Variants in GRM8 observed in about 807,000 individuals in gnomAD.
GRM8 encodes glutamate metabotropic receptor 8.
A neutral mutation model predicts 87.2 loss-of-function variants in GRM8; 47 were observed. That is an observed-to-expected ratio of 0.54 (90% CI 0.43 to 0.69). The LOEUF is 0.69. Ranked by LOEUF, GRM8 falls within the 30% of genes least tolerant of loss-of-function variation. The pLI is 0.00. For missense variants in GRM8, 1,019 were observed against 1,139.2 expected (o/e 0.89, Z 1.52); for synonymous variants, 396 against 404.5 (o/e 0.98, Z 0.25).
At chr7:127,046,743 ATT>A (rs1399364397) in intron 3 of GRM8, among the ~76,000 whole-genome samples, 1 of 152,162 alleles carries the variant, frequency 6.6e-6, no homozygotes, top group Non-Finnish European at 1.5e-5. Flanking sequence ...GTATGAACAA[ATT>A]TACTTTCTTC....
intron 3 of GRM8, among the ~76,000 whole-genome samples, chr7:127,060,586 T>C (rs549030432): frequency 6.6e-6 from 1 of 152,278 alleles, no homozygotes; most frequent in East Asian, 1.9e-4. Context: ...GAATATCTGC[T>C]GAAAATAGGA....
In GRM8 at chr7:126,684,776, C is replaced by T. The variant is rs567534198; in HGVS notation, c.1358-75278G>A. Among the ~76,000 whole-genome samples, 3 of 152,332 alleles carry T rather than the reference C, an allele frequency of 2.0e-5. No individual in the cohort carries two copies. In the East Asian group the frequency reaches 5.8e-4, roughly 29 times the overall value. ...CTAGTTTAGGAGATGGGAGCCCGTA[C>T]ATCTTGTGTTCTGTGTATTTTGTTT... is the stretch of plus-strand genomic sequence containing the variant. On this transcript the variant is annotated intron_variant, in intron 7 of 10. Coordinates refer to ENST00000339582, the MANE Select transcript of GRM8 (RefSeq NM_000845.3).
At chr7:126,721,507 T>C (rs1273372336) in intron 7 of GRM8, among the ~76,000 whole-genome samples, 1 of 152,192 alleles carries the variant, frequency 6.6e-6, no homozygotes, top group Non-Finnish European at 1.5e-5. Context: ...ACAACACTTA[T>C]TGTGAAATTT....
chr7:126,838,735 C>T (rs1230066023), intron 6 of GRM8, among the ~76,000 whole-genome samples: 1 of 152,140 alleles, frequency 6.6e-6, no homozygotes, highest in Non-Finnish European at 1.5e-5. Flanking sequence ...ATACATTGTT[C>T]TCTCCTGAAT....
intron 2 of GRM8, among the ~76,000 whole-genome samples, chr7:127,158,056 G>A (rs1792852327): frequency 6.6e-6 from 1 of 152,086 alleles, no homozygotes; most frequent in African/African-American, 2.4e-5. Flanking sequence ...ATCAAAGATG[G>A]GTGGAGGCTG....
At chr7:127,076,038 T>C in intron 3 of GRM8, 1 of 393,780 alleles carries the variant, frequency 2.5e-6, no homozygotes, top group Non-Finnish European at 5.0e-6. Flanking sequence ...AAAGATGGTT[T>C]GATATGCTTA....
intron 9 of GRM8, among the ~76,000 whole-genome samples, chr7:126,507,185 T>C (rs1466328895): frequency 3.9e-5 from 6 of 152,032 alleles, no homozygotes; most frequent in Non-Finnish European, 8.8e-5. Context: ...TCCTCCTACT[T>C]TTACTTTCCG....
At chr7:126,905,617 C>T (rs1802598628) in intron 3 of GRM8, among the ~76,000 whole-genome samples, 1 of 152,170 alleles carries the variant, frequency 6.6e-6, no homozygotes, top group Admixed American at 6.5e-5. Flanking sequence ...ATTGCCAATG[C>T]ACTCAGTCAT....
chr7:126,513,125 TAA>T (rs1384659574), intron 9 of GRM8, among the ~76,000 whole-genome samples: 1 of 152,098 alleles, frequency 6.6e-6, no homozygotes, highest in African/African-American at 2.4e-5. Context: ...CTTTTAAAAA[TAA>T]GTCTTTAAAA....
intron 2 of GRM8, among the ~76,000 whole-genome samples, chr7:127,144,485 C>T (rs1247289399): frequency 6.6e-6 from 1 of 152,060 alleles, no homozygotes; most frequent in Non-Finnish European, 1.5e-5. Context: ...CTTTTCAAAA[C>T]ACAATCAGCA....
At chr7:126,465,820 G>T (rs576066685) in intron 9 of GRM8, among the ~76,000 whole-genome samples, 30 of 151,636 alleles carry the variant, frequency 2.0e-4, no homozygotes, top group African/African-American at 6.0e-4. Context: ...CACTAGATAG[G>T]AATATCAGTA....
At chr7:127,193,616 T>C (rs546439685) in intron 2 of GRM8, among the ~76,000 whole-genome samples, 2 of 152,346 alleles carry the variant, frequency 1.3e-5, no homozygotes, top group Admixed American at 6.5e-5. Context: ...AGTGAGGTAG[T>C]AGCTTCTTTT....
intron 7 of GRM8, among the ~76,000 whole-genome samples, chr7:126,641,190 C>T (rs551634042): frequency 7.9e-5 from 12 of 152,166 alleles, no homozygotes; most frequent in African/African-American, 2.9e-4. Flanking sequence ...GTTTCTCTTG[C>T]CTATATTTAT....
intron 2 of GRM8, among the ~76,000 whole-genome samples, chr7:127,239,438 T>C (rs1005373041): frequency 3.5e-4 from 53 of 152,338 alleles, no homozygotes; most frequent in Middle Eastern, 6.8e-3. Flanking sequence ...TAACTAGCAA[T>C]ACATTAATTT....
intron 2 of GRM8, among the ~76,000 whole-genome samples, chr7:127,130,845 C>T (rs547788107): frequency 1.3e-5 from 2 of 152,200 alleles, no homozygotes; most frequent in South Asian, 2.1e-4. Flanking sequence ...CTTTCTCCTG[C>T]TGCCATGTAA....
intron 6 of GRM8, among the ~76,000 whole-genome samples, chr7:126,815,455 C>T (rs576527970): frequency 3.9e-5 from 6 of 152,138 alleles, no homozygotes; most frequent in African/African-American, 1.4e-4. Context: ...TTAACAGTAC[C>T]AACTCTGCCC....
intron 3 of GRM8, among the ~76,000 whole-genome samples, chr7:127,006,656 G>A (rs949565522): frequency 5.3e-5 from 8 of 152,014 alleles, no homozygotes; most frequent in Non-Finnish European, 1.0e-4. Flanking sequence ...TTCCTGTGAA[G>A]AGTGCTTTAC....
At chr7:126,957,926 C>CCCATCCATGG (rs1393278588) in intron 3 of GRM8, among the ~76,000 whole-genome samples, 1 of 152,158 alleles carries the variant, frequency 6.6e-6, no homozygotes, top group African/African-American at 2.4e-5. Flanking sequence ...TTTTTCTGGG[C>CCCATCCATGG]CCATCCATGG....
At chr7:126,463,927 T>C (rs534804283) in intron 9 of GRM8, among the ~76,000 whole-genome samples, 25 of 151,846 alleles carry the variant, frequency 1.6e-4, no homozygotes, top group East Asian at 1.2e-3. Context: ...ATAGTGTTTA[T>C]ATATATACAT....
Sources: allele counts gnomAD v4.1 joint callset (sites outside exome capture counted in the v4.1 genomes callset), GRCh38; gene constraint gnomAD v4.1.1; transcripts MANE v1.5; gene names NCBI Gene and HGNC (gene_info 2026-07-23, HGNC 2026-07-21).